SDC2: variants seen among roughly 807,000 people sequenced by gnomAD.
The protein encoded by SDC2 is syndecan-2.
A neutral mutation model predicts 22.2 loss-of-function variants in SDC2; 13 were observed. That is an observed-to-expected ratio of 0.59 (90% CI 0.38 to 0.93). The LOEUF is 0.93. SDC2 is among the 40% of genes least tolerant of loss of function. The pLI is 0.00. For synonymous variants in SDC2, 94 were observed against 92.8 expected (o/e 1.01, Z -0.07); for missense variants, 235 against 246.8 (o/e 0.95, Z 0.32).
intron 1 of SDC2, among the ~76,000 whole-genome samples, chr8:96,567,284 A>AC (rs1432208794): frequency 1.3e-5 from 2 of 152,244 alleles, no homozygotes; most frequent in Non-Finnish European, 2.9e-5. Context: ...AAGATTTCAT[A>AC]CCTCTTAATT....
At chr8:96,496,838 C>T (rs569956733) in intron 1 of SDC2, among the ~76,000 whole-genome samples, 13 of 152,284 alleles carry the variant, frequency 8.5e-5, no homozygotes, top group African/African-American at 3.1e-4. Context: ...GGTAGCTGTT[C>T]CTTTATGGAT....
chr8:96,495,432 C>G (rs1440678652), intron 1 of SDC2, among the ~76,000 whole-genome samples: 5 of 152,196 alleles, frequency 3.3e-5, no homozygotes, highest in Admixed American at 2.0e-4. Flanking sequence ...GCTGCCTCCA[C>G]CTGGGCGCCA....
At position 96,611,373 on chromosome 8, in the gene SDC2, T is replaced by C. The variant is rs955216724; in HGVS notation, c.*1825T>C. 7.9e-5 allele frequency: 12 copies of C among 152,782 alleles called. 1 individual carries two copies. The highest frequency in any genetic ancestry group is 2.4e-4 in the African/African-American group (10 of 41,586). The allele number at this position is 152,782 out of a possible 1,614,324, so 9.5% of individuals were successfully genotyped here. A position where few individuals can be genotyped will look rare whatever the true frequency, so the allele number is the denominator to read the frequency against. ...CATACAATTTACTTTTAATAAAGTATGAATATTTCATTTTGAGAACATTCC... is the reference window on the plus strand; with the variant it reads ...CATACAATTTACTTTTAATAAAGTACGAATATTTCATTTTGAGAACATTCC... On this transcript the variant is annotated 3_prime_UTR_variant, in exon 5 of 5. Transcript: ENST00000302190.
At chr8:96,532,700 G>A (rs1813684607) in intron 1 of SDC2, among the ~76,000 whole-genome samples, 1 of 151,976 alleles carries the variant, frequency 6.6e-6, no homozygotes, top group South Asian at 2.1e-4. Flanking sequence ...AGCAAGAGCT[G>A]TGAACTCAGA....
intron 1 of SDC2, among the ~76,000 whole-genome samples, chr8:96,529,750 AT>A (rs2130480446): frequency 6.6e-6 from 1 of 151,946 alleles, no homozygotes; most frequent in South Asian, 2.1e-4. Context: ...TTCTTCCCTT[AT>A]TTTTCCCCTT....
intron 1 of SDC2, among the ~76,000 whole-genome samples, chr8:96,523,313 T>C (rs4734346): frequency 0.46 from 69,180 of 152,022 alleles, 16,505 homozygotes; most frequent in Non-Finnish European, 0.53. Flanking sequence ...GTGGAAGTAG[T>C]TCATGAATCC....
At position 96,602,517 on chromosome 8, in the gene SDC2, G is replaced by C; in HGVS notation, c.295G>C (p.Ala99Pro). The C allele has an allele frequency of 6.2e-7, 1 of 1,614,026 alleles. No homozygotes were observed. Among genetic ancestry groups the C allele is most frequent in the Non-Finnish European group, 8.5e-7 (1 of 1,179,948 alleles). Residue 99 changes from alanine to proline, a missense_variant, in exon 3 of 5, where the codon GCT becomes CCT. Physicochemically the swap from Ala to Pro is conservative, Grantham distance 27. Transcript: ENST00000302190. The part of the protein sequence containing the change: ...TTLNIQNKIP[A>P]QTKSPEETDK... ...GCTGAATATACAGAACAAGATACCT[G>C]CTCAGACAAAGGTGCGTTCTATTTT...
At chr8:96,590,366 G>A (rs1349586245) in intron 1 of SDC2, among the ~76,000 whole-genome samples, 4 of 152,196 alleles carry the variant, frequency 2.6e-5, no homozygotes, top group Non-Finnish European at 4.4e-5. Flanking sequence ...TTCGTCCAGC[G>A]TCTCGGTCCC....
chr8:96,544,822 G>A (rs1319513133), intron 1 of SDC2, among the ~76,000 whole-genome samples: 1 of 152,168 alleles, frequency 6.6e-6, no homozygotes. Flanking sequence ...AGATTACAGA[G>A]AACCTTATAT....
At chr8:96,562,798 C>A (rs1221628770) in intron 1 of SDC2, among the ~76,000 whole-genome samples, 1 of 152,186 alleles carries the variant, frequency 6.6e-6, no homozygotes, top group East Asian at 1.9e-4. Flanking sequence ...TGTTCCATAT[C>A]TTAAGGCTGA....
intron 1 of SDC2, among the ~76,000 whole-genome samples, chr8:96,519,779 G>A (rs541929434): frequency 7.2e-5 from 11 of 152,046 alleles, no homozygotes; most frequent in South Asian, 2.1e-4. Flanking sequence ...GATTACAGGC[G>A]CGCACCTCCA....
At chr8:96,555,395 A>G (rs1187990941) in intron 1 of SDC2, among the ~76,000 whole-genome samples, 2 of 152,134 alleles carry the variant, frequency 1.3e-5, no homozygotes, top group Admixed American at 6.5e-5. Context: ...ACTCCAATCA[A>G]TTAACCAATA....
intron 3 of SDC2, among the ~76,000 whole-genome samples, chr8:96,605,440 A>G (rs1413198677): frequency 6.6e-6 from 1 of 152,210 alleles, no homozygotes; most frequent in Non-Finnish European, 1.5e-5. Flanking sequence ...AAGGCAGCCA[A>G]TTAATGATGG....
rs557743079 is a variant in SDC2, at chr8:96,495,413, T to C, written c.60+1082T>C. ...AGGGAACTGCCTCCTTGGCCTCCTC[T>C]CGTCCGCAGCTGCCTCCACCTGGGC... On this transcript the variant is annotated intron_variant, in intron 1 of 4. Transcript: ENST00000302190. Among the ~76,000 whole-genome samples, 7 of 152,296 alleles carry C rather than the reference T, an allele frequency of 4.6e-5. No individual in the cohort carries two copies. In the South Asian group the frequency reaches 1.2e-3, roughly 27 times the overall value.
rs1396843023 is a variant in SDC2, at chr8:96,499,705, A to G, written c.60+5374A>G. Among the ~76,000 whole-genome samples, 10 of 151,946 alleles carry G rather than the reference A, an allele frequency of 6.6e-5. No homozygotes were observed. In the East Asian group the frequency reaches 1.9e-3, roughly 29 times the overall value. ...AAGATGAAATGAAGGGAGCATATGA[A>G]TGGTGCTTGAGGCACGGAAGATAGG... On this transcript the variant is annotated intron_variant, in intron 1 of 4. Coordinates refer to ENST00000302190, the MANE Select transcript of SDC2 (RefSeq NM_002998.4).
At chr8:96,557,536 A>G (rs1049142860) in intron 1 of SDC2, among the ~76,000 whole-genome samples, 26 of 149,882 alleles carry the variant, frequency 1.7e-4, no homozygotes, top group African/African-American at 5.6e-4. Context: ...CAAAAAACCA[A>G]ACACCGCATA....
At chr8:96,551,419 T>C (rs1435925186) in intron 1 of SDC2, among the ~76,000 whole-genome samples, 1 of 152,240 alleles carries the variant, frequency 6.6e-6, no homozygotes, top group Non-Finnish European at 1.5e-5. Context: ...GCCAAGTACC[T>C]ATTCCAAGCA....
At chr8:96,598,422 GAACAGCCT>G (rs1814918239) in intron 2 of SDC2, among the ~76,000 whole-genome samples, 2 of 152,120 alleles carry the variant, frequency 1.3e-5, no homozygotes, top group South Asian at 4.2e-4. Flanking sequence ...AGGAGTTCGA[GAACAGCCT>G]GACATGGCGA....
At chr8:96,574,659 C>T (rs148800879) in intron 1 of SDC2, among the ~76,000 whole-genome samples, 2 of 152,338 alleles carry the variant, frequency 1.3e-5, no homozygotes, top group East Asian at 3.9e-4. Context: ...CACCTGTTCA[C>T]AGTCATTTGA....
Sources: allele counts gnomAD v4.1 joint callset (sites outside exome capture counted in the v4.1 genomes callset), GRCh38; gene constraint gnomAD v4.1.1; transcripts MANE v1.5; gene names NCBI Gene and HGNC (gene_info 2026-07-23, HGNC 2026-07-21).